NTRK3: variants seen among roughly 807,000 people sequenced by gnomAD.
NTRK3 encodes NT-3 growth factor receptor.
NTRK3 carries 24 observed loss-of-function variants against 91.7 expected under a neutral mutation model. The ratio of observed to expected loss-of-function variants is 0.26; its 90% CI spans 0.19 to 0.37. NTRK3 has a LOEUF of 0.37. NTRK3 is among the 10% of genes least tolerant of loss of function. NTRK3 has a pLI of 1.00. For synonymous variants in NTRK3, 483 were observed against 404.0 expected (o/e 1.20, Z -2.34); for missense variants, 880 against 1,068.9 (o/e 0.82, Z 2.46).
intron 13 of NTRK3, among the ~76,000 whole-genome samples, chr15:88,046,893 T>C (rs777007267): frequency 5.9e-5 from 9 of 152,198 alleles, no homozygotes; most frequent in Non-Finnish European, 1.0e-4. Context: ...CAGGTATAAA[T>C]GCAACACCAA....
chr15:87,925,973 C>G (rs1842315145), intron 17 of NTRK3, among the ~76,000 whole-genome samples: 1 of 152,190 alleles, frequency 6.6e-6, no homozygotes, highest in Non-Finnish European at 1.5e-5. Flanking sequence ...ACTACAAGCT[C>G]TTTATACAAA....
At chr15:87,960,968 C>T (rs2072223298) in intron 14 of NTRK3, among the ~76,000 whole-genome samples, 1 of 152,188 alleles carries the variant, frequency 6.6e-6, no homozygotes, top group South Asian at 2.1e-4. Flanking sequence ...CCTGACTTTA[C>T]CTGTTATAAA....
At chr15:88,108,627 C>G (rs554554534) in intron 13 of NTRK3, among the ~76,000 whole-genome samples, 4 of 152,326 alleles carry the variant, frequency 2.6e-5, no homozygotes, top group African/African-American at 9.6e-5. Context: ...AAAAGATATC[C>G]AAAGATAAAT....
At chr15:88,037,023 T>C (rs2079134872) in intron 13 of NTRK3, among the ~76,000 whole-genome samples, 1 of 152,238 alleles carries the variant, frequency 6.6e-6, no homozygotes, top group Non-Finnish European at 1.5e-5. Flanking sequence ...CCACCTTCTC[T>C]ACCTTATTTG....
chr15:88,244,921 T>C (rs1258481413), intron 3 of NTRK3, among the ~76,000 whole-genome samples: 1 of 152,234 alleles, frequency 6.6e-6, no homozygotes, highest in Non-Finnish European at 1.5e-5. Context: ...TAGATGCTAC[T>C]AAATTACCCT....
chr15:87,890,502 G>C (rs1306463913), intron 17 of NTRK3, among the ~76,000 whole-genome samples: 1 of 151,680 alleles, frequency 6.6e-6, no homozygotes, highest in African/African-American at 2.4e-5. Flanking sequence ...TCATCCCATA[G>C]CATCCTCCAG....
chr15:87,927,681 G>C (rs1946698), intron 17 of NTRK3: 85,783 of 152,006 alleles, frequency 0.56, 25,901 homozygotes, highest in African/African-American at 0.8. Flanking sequence ...AGAGAGATCT[G>C]TTAACCCTTC....
At chr15:88,033,218 A>C (rs1372146381) in intron 13 of NTRK3, among the ~76,000 whole-genome samples, 173 bp from the exon 14 acceptor site, 1 of 125,668 alleles carries the variant, frequency 8.0e-6, no homozygotes, top group African/African-American at 3.1e-5. Flanking sequence ...ATATATATAA[A>C]TTCAGTTGTT....
At chr15:88,068,036 G>T (rs540010670) in intron 13 of NTRK3, among the ~76,000 whole-genome samples, 1 of 152,246 alleles carries the variant, frequency 6.6e-6, no homozygotes, top group East Asian at 1.9e-4. Context: ...TCCTACCTCA[G>T]GAATAGAGTG....
At chr15:87,890,570 T>TACACACACACAC (rs58806302) in intron 17 of NTRK3, among the ~76,000 whole-genome samples, 13 of 147,832 alleles carry the variant, frequency 8.8e-5, no homozygotes, top group African/African-American at 3.3e-4. Flanking sequence ...GCTTGTTCTT[T>TACACACACACAC]ACACACACAC....
At position 88,177,413 on chromosome 15, in the gene NTRK3, T is replaced by C. The variant is rs76906232; in HGVS notation, c.395+6005A>G. Among the ~76,000 whole-genome samples, 962 of 152,172 alleles carry C rather than the reference T, an allele frequency of 6.3e-3. 13 individuals are homozygous for C. The highest frequency in any genetic ancestry group is 0.02 in the African/African-American group (828 of 41,500). On this transcript the variant is annotated intron_variant, in intron 5 of 18. Coordinates refer to ENST00000394480, the Ensembl canonical transcript of NTRK3. Reference sequence around the variant, plus strand: ...GGGATGATGACTTGGACCAAGACAATAGATATGAGGATGGAAAGGGTAAAC... The same window carrying C: ...GGGATGATGACTTGGACCAAGACAACAGATATGAGGATGGAAAGGGTAAAC...
At chr15:87,978,945 A>G (rs2073961044) in intron 14 of NTRK3, 1 of 339,014 alleles carries the variant, frequency 2.9e-6, no homozygotes, top group East Asian at 4.7e-5. Context: ...GCTTCCAAGC[A>G]GGGAAAGTGA....
At chr15:87,991,593 T>A (rs1467486311) in intron 14 of NTRK3, among the ~76,000 whole-genome samples, 2 of 152,124 alleles carry the variant, frequency 1.3e-5, no homozygotes, top group Non-Finnish European at 2.9e-5. Flanking sequence ...ATTTCTACAA[T>A]CCCCATCCCA....
exon 19 of NTRK3, chr15:87,862,387 T>C (rs2141373395): frequency 4.4e-6 from 1 of 227,022 alleles, no homozygotes. Context: ...ATGGATGTTA[T>C]GATAAGCAAC....
chr15:87,976,202 T>C (rs541145217), intron 14 of NTRK3, among the ~76,000 whole-genome samples: 1 of 152,302 alleles, frequency 6.6e-6, no homozygotes, highest in East Asian at 1.9e-4. Flanking sequence ...GTTCCAACTC[T>C]TTCTCCTTGG....
chr15:87,998,311 C>G lies in NTRK3; in HGVS notation c.1585+34546G>C, dbSNP rs574623913. 2.0e-5 allele frequency among the ~76,000 whole-genome samples: 3 copies of G among 152,316 alleles called. No individual in the cohort carries two copies. In the East Asian group the frequency reaches 5.8e-4, roughly 29 times the overall value. ...ATGCTAGCTGAGTTCCATGTTTAAC[C>G]ATAACATATACTGATGCTGCTCCTA... On this transcript the variant is annotated intron_variant, in intron 14 of 18. Coordinates refer to ENST00000394480, the Ensembl canonical transcript of NTRK3.
intron 13 of NTRK3, among the ~76,000 whole-genome samples, chr15:88,102,004 T>G (rs2050224430): frequency 6.6e-6 from 1 of 151,000 alleles, no homozygotes; most frequent in Admixed American, 6.6e-5. Context: ...ACCCTAAAAC[T>G]TAAAGTATAA....
intron 5 of NTRK3, among the ~76,000 whole-genome samples, chr15:88,169,631 T>G (rs2151493287): frequency 6.6e-6 from 1 of 152,322 alleles, no homozygotes; most frequent in South Asian, 2.1e-4. Flanking sequence ...ATTCCAACCC[T>G]TTAGTACACT....
At chr15:88,201,222 C>A (rs1466335908) in intron 3 of NTRK3, among the ~76,000 whole-genome samples, 2 of 152,182 alleles carry the variant, frequency 1.3e-5, no homozygotes, top group Non-Finnish European at 2.9e-5. Flanking sequence ...ACTCTGGGGA[C>A]CAGCCCAGCA....
Sources: gnomAD v4.1 joint callset for allele counts (sites outside exome capture counted in the v4.1 genomes callset) on GRCh38, gnomAD v4.1.1 for gene constraint, MANE v1.5 for transcripts, NCBI Gene and HGNC (gene_info 2026-07-23, HGNC 2026-07-21) for gene names.